TTLL11: variants seen among roughly 807,000 people sequenced by gnomAD.
TTLL11 encodes tubulin tyrosine ligase like 11, also known as tubulin polyglutamylase TTLL11.
A neutral mutation model predicts 51.7 loss-of-function variants in TTLL11; 42 were observed. The ratio of observed to expected loss-of-function variants is 0.81; its 90% confidence interval spans 0.64 to 1.05. The LOEUF (loss-of-function observed/expected upper bound fraction) is 1.05, where lower values mean the gene tolerates loss of function less well. Ranked by LOEUF, TTLL11 falls within the 50% of genes least tolerant of loss-of-function variation. The pLI, the probability that TTLL11 is intolerant of heterozygous loss-of-function variation, is 0.00. For missense variants in TTLL11, 799 were observed against 940.4 expected (o/e 0.85, Z 1.97); for synonymous variants, 381 against 383.5 (o/e 0.99, Z 0.08).
In TTLL11 at chr9:122,031,868, A is replaced by G. The variant is rs1844561947; in HGVS notation, c.560-12T>C. ...CATCTCCGTCATGCCTGGGGAGAAGAGACGCTGTGAGGTTTTAACAACAGT... is the reference window on the plus strand; with the variant it reads ...CATCTCCGTCATGCCTGGGGAGAAGGGACGCTGTGAGGTTTTAACAACAGT... On this transcript the variant is annotated splice_polypyrimidine_tract_variant and intron_variant, in intron 2 of 8. Coordinates refer to ENST00000321582, the MANE Select transcript of TTLL11 (RefSeq NM_001139442.2). The G allele has an allele frequency of 1.2e-6, 2 of 1,610,832 alleles. No individual in the cohort carries two copies. The highest frequency in any genetic ancestry group is 1.7e-6 in the Non-Finnish European group (2 of 1,177,704).
chr9:122,066,613 G>A (rs1845591270), intron 1 of TTLL11, among the ~76,000 whole-genome samples: 1 of 152,162 alleles, frequency 6.6e-6, no homozygotes, highest in African/African-American at 2.4e-5. Context: ...TCTCCACTAA[G>A]CTTAGAGAGG....
At chr9:122,029,599 T>C (rs2131802740) in intron 3 of TTLL11, among the ~76,000 whole-genome samples, 3 of 152,332 alleles carry the variant, frequency 2.0e-5, no homozygotes, top group Middle Eastern at 6.8e-3. Flanking sequence ...ACAGTGTGTG[T>C]TTTAAGCTAA....
Position 121,815,906 on chromosome 9 carries a change from C to T in TTLL11, c.*6681G>A, listed in dbSNP as rs556663032. 2 of 152,220 alleles carry T rather than the reference C, an allele frequency of 1.3e-5. No individual in the cohort carries two copies. Among genetic ancestry groups the T allele is most frequent in the Non-Finnish European group, 2.9e-5 (2 of 68,052 alleles). The allele number at this position is 152,220 out of a possible 1,614,324, so 9.4% of individuals were successfully genotyped here. Reference sequence around the variant, plus strand: ...GCACGTGGGGCCTCTCACCAGACCTCCAGGAGCCTCCGCTGTCAGGGGCGT... The same window carrying T: ...GCACGTGGGGCCTCTCACCAGACCTTCAGGAGCCTCCGCTGTCAGGGGCGT... On this transcript the variant is annotated 3_prime_UTR_variant, in exon 9 of 9. Coordinates refer to ENST00000321582, the MANE Select transcript of TTLL11 (RefSeq NM_001139442.2).
intron 3 of TTLL11, among the ~76,000 whole-genome samples, chr9:122,021,148 A>G (rs1016066085): frequency 7.9e-5 from 12 of 152,308 alleles, no homozygotes; most frequent in African/African-American, 2.9e-4. Flanking sequence ...ATGAAGCAAC[A>G]AAGGACAGTG....
chr9:121,832,712 G>T (rs1464792337), intron 8 of TTLL11, among the ~76,000 whole-genome samples: 1 of 152,218 alleles, frequency 6.6e-6, no homozygotes, highest in East Asian at 1.9e-4. Context: ...GGCCAAAGTG[G>T]GTGGATCACC....
chr9:122,008,060 G>T (rs936035410), intron 3 of TTLL11, among the ~76,000 whole-genome samples: 2 of 152,142 alleles, frequency 1.3e-5, no homozygotes, highest in Non-Finnish European at 2.9e-5. Context: ...ATCTAATACT[G>T]AGGAAACCCC....
chr9:121,855,763 A>G (rs1837797275), intron 8 of TTLL11, among the ~76,000 whole-genome samples: 1 of 152,200 alleles, frequency 6.6e-6, no homozygotes, highest in Non-Finnish European at 1.5e-5. Flanking sequence ...TTGTCTGCTC[A>G]TCAAACATTA....
At chr9:121,984,801 G>A (rs529552388) in intron 4 of TTLL11, among the ~76,000 whole-genome samples, 4 of 152,294 alleles carry the variant, frequency 2.6e-5, no homozygotes, top group South Asian at 2.1e-4. Flanking sequence ...GGGAAAGAAC[G>A]TTCTTGAAAG....
intron 6 of TTLL11, among the ~76,000 whole-genome samples, chr9:121,876,090 G>A (rs1055369508): frequency 4.6e-5 from 7 of 152,162 alleles, no homozygotes; most frequent in African/African-American, 1.7e-4. Context: ...TAGGAAACAG[G>A]CCCAGAGAGG....
At chr9:121,933,744 CT>C in intron 6 of TTLL11, among the ~76,000 whole-genome samples, 1 of 152,094 alleles carries the variant, frequency 6.6e-6, no homozygotes. Context: ...TAATGTCTGG[CT>C]TAATAAGACA....
chr9:121,875,019 C>A (rs1838518218), intron 6 of TTLL11, among the ~76,000 whole-genome samples: 1 of 151,990 alleles, frequency 6.6e-6, no homozygotes, highest in South Asian at 2.1e-4. Context: ...CTTTGGAGAT[C>A]ACTCTGTCCA....
At position 121,829,362 on chromosome 9, in the gene TTLL11, C is replaced by T. The variant is rs556980716; in HGVS notation, c.1841-6483G>A. On this transcript the variant is annotated intron_variant, in intron 8 of 8. Transcript: ENST00000321582. ...ATATATCGGCAAATAAAAGAGAAGA[C>T]ATCCGGCCCCATCCAAGCCACAGGG... Among the ~76,000 whole-genome samples the T allele has an allele frequency of 2.6e-5, 4 of 152,266 alleles. No individual in the cohort carries two copies. In the South Asian group the frequency reaches 6.2e-4, roughly 24 times the overall value.
intron 6 of TTLL11, among the ~76,000 whole-genome samples, chr9:121,942,735 CTTATTTTTT>C (rs1238867977): frequency 1.6e-5 from 2 of 127,318 alleles, no homozygotes; most frequent in African/African-American, 6.3e-5. Flanking sequence ...TCTAATCTGT[CTTATTTTTT>C]TTTTTTTTTT....
intron 6 of TTLL11, among the ~76,000 whole-genome samples, chr9:121,916,405 G>C (rs987862211): frequency 1.3e-5 from 2 of 152,166 alleles, no homozygotes; most frequent in African/African-American, 2.4e-5. Flanking sequence ...TGAGGCTGGG[G>C]TTGAGGGATA....
chr9:121,857,189 G>A (rs906938959), intron 8 of TTLL11, among the ~76,000 whole-genome samples: 3 of 152,218 alleles, frequency 2.0e-5, no homozygotes, highest in South Asian at 2.1e-4. Context: ...GGAGACAGGA[G>A]GTTGGACAGG....
At chr9:121,968,290 A>G (rs570493850) in intron 6 of TTLL11, among the ~76,000 whole-genome samples, 1 of 152,330 alleles carries the variant, frequency 6.6e-6, no homozygotes, top group Non-Finnish European at 1.5e-5. Flanking sequence ...TAGTTCACAT[A>G]TGACAGATGT....
rs1378927340 is a variant in TTLL11 at position 121,837,642 on chromosome 9, T to C, written c.1841-14763A>G. Among the ~76,000 whole-genome samples, 4 of 152,138 alleles carry C rather than the reference T, an allele frequency of 2.6e-5. No individual in the cohort carries two copies. The East Asian group carries it at 7.7e-4, about 29-fold the overall frequency. On this transcript the variant is annotated intron_variant, in intron 8 of 8. Transcript: ENST00000321582. ...CTGCCATCAACCAGCCCTGGGATCT[T>C]GTGTGGTTGAAAAGCCTGCCTTCCT...
At chr9:121,958,912 C>T (rs985054124) in intron 6 of TTLL11, among the ~76,000 whole-genome samples, 1 of 152,130 alleles carries the variant, frequency 6.6e-6, no homozygotes, top group African/African-American at 2.4e-5. Context: ...TCTAGGGAAA[C>T]CCTCACTGCC....
At chr9:121,958,043 G>A (rs1365697146) in intron 6 of TTLL11, among the ~76,000 whole-genome samples, 1 of 152,196 alleles carries the variant, frequency 6.6e-6, no homozygotes, top group Non-Finnish European at 1.5e-5. Flanking sequence ...GCTACTTGTG[G>A]AACGAGTGTC....
Sources: allele counts gnomAD v4.1 joint callset (sites outside exome capture counted in the v4.1 genomes callset), GRCh38; gene constraint gnomAD v4.1.1; transcripts MANE v1.5; gene names NCBI Gene and HGNC (gene_info 2026-07-23, HGNC 2026-07-21).